EIF4H: variants seen among roughly 807,000 people sequenced by gnomAD.
EIF4H encodes the protein eukaryotic translation initiation factor 4H, also known as Williams-Beuren syndrome chromosome region 1.
Under a neutral mutation model 30.6 loss-of-function variants are expected in EIF4H, and 8 were observed. The observed-to-expected ratio is 0.26, with a 90% CI of 0.15 to 0.47. The LOEUF is 0.47. EIF4H is among the 20% of genes least tolerant of loss of function. The pLI is 0.99. For missense variants in EIF4H, 188 were observed against 339.5 expected, an observed-to-expected ratio of 0.55 and a Z score of 3.51; for synonymous variants, 106 against 122.7, an observed-to-expected ratio of 0.86 and a Z score of 0.90.
intron 1 of EIF4H, among the ~76,000 whole-genome samples, chr7:74,179,603 G>T (rs1041040768): frequency 1.4e-5 from 2 of 146,000 alleles, no homozygotes; most frequent in Non-Finnish European, 3.0e-5. Context: ...CTGCACTCCC[G>T]CCTGGGCGAC....
intron 2 of EIF4H, among the ~76,000 whole-genome samples, chr7:74,189,116 T>C (rs10253695): frequency 2.0e-5 from 3 of 152,148 alleles, no homozygotes; most frequent in African/African-American, 7.2e-5. Context: ...GTCAGACCCC[T>C]GGCATCAGGG....
intron 1 of EIF4H, among the ~76,000 whole-genome samples, chr7:74,181,995 G>A (rs1202701122): frequency 1.3e-5 from 2 of 152,088 alleles, no homozygotes; most frequent in African/African-American, 2.4e-5. Flanking sequence ...GATTATAGGT[G>A]TGAGCCACCA....
At chr7:74,175,725 G>GT (rs530282320) in intron 1 of EIF4H, among the ~76,000 whole-genome samples, 6,033 of 143,418 alleles carry the variant, frequency 0.042, 362 homozygotes, top group African/African-American at 0.14. Flanking sequence ...AATAACTAGG[G>GT]TTTTTTTTTT....
At chr7:74,183,773 A>T (rs1801018265) in intron 1 of EIF4H, 1 of 152,072 alleles carries the variant, frequency 6.6e-6, no homozygotes, top group Non-Finnish European at 1.5e-5. Flanking sequence ...ATCCTATGTG[A>T]TGTGTACTCT....
intron 5 of EIF4H, among the ~76,000 whole-genome samples, chr7:74,194,501 CGTTT>C (rs1801297469): frequency 1.3e-5 from 2 of 152,170 alleles, no homozygotes; most frequent in Admixed American, 6.5e-5. Flanking sequence ...GTAAACAGCT[CGTTT>C]GTTTGCTCTC....
In EIF4H at chr7:74,196,340, A is replaced by G. The variant is rs1458943722; in HGVS notation, c.*1032A>G. The stretch of plus-strand genomic sequence containing the variant: ...CCACCTCCCCTTCAGTTCAGAGCCA[A>G]AATGGGTCTAGAATCTGGCACTTTA... On this transcript the variant is annotated 3_prime_UTR_variant, in exon 7 of 7. Transcript: ENST00000265753. The G allele has an allele frequency of 6.5e-6, 1 of 152,686 alleles. No homozygotes were observed. The highest frequency in any genetic ancestry group is 1.9e-4 in the East Asian group (1 of 5,198). 9.5% of individuals were successfully genotyped at this position (152,686 alleles called of 1,614,324 possible). A position where few individuals can be genotyped will look rare whatever the true frequency, so the allele number is the denominator to read the frequency against.
intron 2 of EIF4H, among the ~76,000 whole-genome samples, chr7:74,189,323 T>G (rs1801154492): frequency 6.6e-6 from 1 of 152,238 alleles, no homozygotes; most frequent in Non-Finnish European, 1.5e-5. Flanking sequence ...GTTTGAAATC[T>G]ACGAAATCTA....
Position 74,181,797 on chromosome 7 carries a change from C to T in EIF4H, c.60-5814C>T, listed in dbSNP as rs1214308655. Among the ~76,000 whole-genome samples the T allele has an allele frequency of 4.1e-5, 6 of 147,260 alleles. No individual in the cohort carries two copies. The South Asian group carries it at 6.5e-4, about 16-fold the overall frequency. On this transcript the variant is annotated intron_variant, in intron 1 of 6. Transcript: ENST00000265753. ...CCTCCCAGGCTAGAGCTCAGTGGCG[C>T]GATCTCAGCTCACTGCAGCCTCCGC...
chr7:74,190,177 T>A, intron 4 of EIF4H, 70 bp from the exon 5 acceptor site: 1 of 1,499,328 alleles, frequency 6.7e-7, no homozygotes. Context: ...GTCTTCCAAA[T>A]GAATTTTTCC....
At chr7:74,189,603 T>C (rs1289822880) in intron 2 of EIF4H, 70 bp from the exon 3 acceptor site, 21 of 1,565,288 alleles carry the variant, frequency 1.3e-5, no homozygotes, top group Non-Finnish European at 1.8e-5. Flanking sequence ...AGAAGTAGTA[T>C]GAATAGGATC....
Position 74,195,898 on chromosome 7 carries a change from C to T in EIF4H, c.*590C>T, listed in dbSNP as rs539625737. 4.5e-5 allele frequency: 7 copies of T among 154,148 alleles called. No individual in the cohort carries two copies. In the Admixed American group the frequency reaches 4.6e-4, roughly 10 times the overall value. The allele number at this position is 154,148 out of a possible 1,614,324, so 9.5% of individuals were successfully genotyped here. A position where few individuals can be genotyped will look rare whatever the true frequency, so the allele number is the denominator to read the frequency against. ...ACTAGGATAAAAATATCTGCAGGGT[C>T]CTTTCCATTCCTATTTAGAGGGAGT... On this transcript the variant is annotated 3_prime_UTR_variant, in exon 7 of 7. Coordinates refer to ENST00000265753, the MANE Select transcript of EIF4H (RefSeq NM_022170.2).
intron 1 of EIF4H, among the ~76,000 whole-genome samples, chr7:74,177,635 C>T (rs1463458779): frequency 3.3e-5 from 5 of 152,170 alleles, no homozygotes; most frequent in African/African-American, 1.2e-4. Flanking sequence ...ATGCTAGGGC[C>T]TGTAAAGCTA....
chr7:74,181,186 T>C (rs782770298), intron 1 of EIF4H, among the ~76,000 whole-genome samples: 2 of 152,192 alleles, frequency 1.3e-5, no homozygotes, highest in Admixed American at 6.6e-5. Context: ...AGTTTTAACC[T>C]CATAAACATT....
Sources: gnomAD v4.1 joint callset for allele counts (sites outside exome capture counted in the v4.1 genomes callset) on GRCh38, gnomAD v4.1.1 for gene constraint, MANE v1.5 for transcripts, NCBI Gene and HGNC (gene_info 2026-07-23, HGNC 2026-07-21) for gene names.